Variants in SAV1 observed in about 807,000 individuals in gnomAD.
SAV1 encodes protein salvador homolog 1.
A neutral mutation model predicts 47.3 loss-of-function variants in SAV1; 23 were observed. The observed-to-expected ratio is 0.49, with a 90% confidence interval of 0.35 to 0.69. The LOEUF is 0.69. Ranked by LOEUF, SAV1 falls within the 30% of genes least tolerant of loss-of-function variation. SAV1 has a pLI of 0.01. For missense variants in SAV1, 448 were observed against 457.4 expected, an observed-to-expected ratio of 0.98 and a Z score of 0.19; for synonymous variants, 155 against 159.2, an observed-to-expected ratio of 0.97 and a Z score of 0.20.
intron 3 of SAV1, among the ~76,000 whole-genome samples, chr14:50,642,919 AACACTT>A (rs2039691949): frequency 6.6e-6 from 1 of 152,230 alleles, no homozygotes; most frequent in African/African-American, 2.4e-5. Context: ...CCACAGCTTT[AACACTT>A]ACAAACTATG....
At chr14:50,635,942 C>T (rs1322670943) in intron 4 of SAV1, among the ~76,000 whole-genome samples, 3 of 152,218 alleles carry the variant, frequency 2.0e-5, no homozygotes, top group Admixed American at 6.5e-5. Flanking sequence ...CTCCTGACCT[C>T]GTTATTCGCC....
At chr14:50,646,868 T>C (rs1008506636) in intron 2 of SAV1, among the ~76,000 whole-genome samples, 2 of 152,124 alleles carry the variant, frequency 1.3e-5, no homozygotes, top group African/African-American at 4.8e-5. Flanking sequence ...TAAAGCTACA[T>C]TAATCAAGAC....
In SAV1 at chr14:50,635,020, A is replaced by T. The variant is rs1416197723; in HGVS notation, c.*163T>A. 4 of 611,750 alleles carry T rather than the reference A, an allele frequency of 6.5e-6. No individual in the cohort carries two copies. The highest frequency in any genetic ancestry group is 1.1e-5 in the Non-Finnish European group (4 of 354,172). 37.9% of individuals were successfully genotyped at this position (611,750 alleles called of 1,614,324 possible). A position where few individuals can be genotyped will look rare whatever the true frequency, so the allele number is the denominator to read the frequency against. The stretch of plus-strand genomic sequence containing the variant: ...TTAAAATGATAGACTAATTTTTCTC[A>T]TTCAATAAAAGAAAATTTCTAATAA... On this transcript the variant is annotated 3_prime_UTR_variant, in exon 5 of 5. Transcript: ENST00000324679.
At chr14:50,664,583 G>T (rs1343984389) in intron 2 of SAV1, 1 of 151,960 alleles carries the variant, frequency 6.6e-6, no homozygotes, top group Non-Finnish European at 1.5e-5. Flanking sequence ...AAATTATATG[G>T]TAATTTTTTT....
At chr14:50,664,295 C>T (rs1180479024) in intron 2 of SAV1, 5 of 152,166 alleles carry the variant, frequency 3.3e-5, no homozygotes, top group Non-Finnish European at 7.4e-5. Context: ...AGTCAAAATA[C>T]TAATGCTCCA....
chr14:50,646,090 GA>G (rs1297167156), intron 2 of SAV1, among the ~76,000 whole-genome samples: 1 of 152,104 alleles, frequency 6.6e-6, no homozygotes. Context: ...ATCCATGGGG[GA>G]TCCATTCCAA....
intron 2 of SAV1, among the ~76,000 whole-genome samples, chr14:50,654,689 G>A (rs187769663): frequency 3.3e-4 from 51 of 152,278 alleles, no homozygotes; most frequent in African/African-American, 1.1e-3. Flanking sequence ...ATAGAGCAAA[G>A]CACAATAAAA....
intron 2 of SAV1, among the ~76,000 whole-genome samples, chr14:50,651,612 T>G (rs960183776): frequency 6.6e-6 from 1 of 152,160 alleles, no homozygotes; most frequent in African/African-American, 2.4e-5. Context: ...AAAGTGAATT[T>G]TATGTATTAC....
In SAV1 at chr14:50,640,775, G is replaced by C; in HGVS notation, c.925C>G (p.Gln309Glu). 6.2e-7 allele frequency: 1 copy of C among 1,613,570 alleles called. No homozygotes were observed. The highest frequency in any genetic ancestry group is 8.5e-7 in the Non-Finnish European group (1 of 1,179,756). ...TTCACAGGGGCTCGTGCGTAAACCT[G>C]AAGCCAGTCAGGAATTTCTGCAGTA... ...YHTAEIPDWLQVYARAPVKYD... is the reference protein window; with the variant it reads ...YHTAEIPDWLEVYARAPVKYD... Residue 309 changes from glutamine (Q) to glutamate (E), a missense_variant, in exon 4 of 5, where the codon CAG becomes GAG. Gln to Glu is a conservative substitution (Grantham distance 29, BLOSUM62 2). Coordinates refer to ENST00000324679, the MANE Select transcript of SAV1 (RefSeq NM_021818.4).
intron 2 of SAV1, chr14:50,662,798 A>G (rs1040944676): frequency 3.9e-5 from 6 of 152,252 alleles, no homozygotes; most frequent in African/African-American, 1.2e-4. Context: ...AGAATAACAC[A>G]TATTCTATAT....
At chr14:50,644,549 A>G (rs2039704664) in intron 3 of SAV1, among the ~76,000 whole-genome samples, 195 bp downstream of exon 3, 1 of 147,162 alleles carries the variant, frequency 6.8e-6, no homozygotes, top group Non-Finnish European at 1.5e-5. Context: ...GTTTTTTTAA[A>G]GAGAAAAGTA....
chr14:50,640,805 A>C lies in SAV1; in HGVS notation c.895T>G (p.Tyr299Asp). 6.2e-7 allele frequency: 1 copy of C among 1,613,956 alleles called. No homozygotes were observed. The highest frequency in any genetic ancestry group is 2.2e-5 in the East Asian group (1 of 44,872). The change falls in exon 4 of 5, where the codon TAT becomes GAT. Residue 299 changes from tyrosine to aspartate, a missense_variant. Transcript: ENST00000324679. ...NQSLLVPANP[Y>D]HTAEIPDWLQ... ...CAGTCAGGAATTTCTGCAGTATGAT[A>C]TGGATTTGCAGGTACCAGAAGGGAC...
intron 2 of SAV1, among the ~76,000 whole-genome samples, chr14:50,651,198 T>C (rs533963912): frequency 4.5e-4 from 69 of 152,328 alleles, no homozygotes; most frequent in African/African-American, 1.6e-3. Flanking sequence ...TAAATGTTTA[T>C]TGTTTTATGC....
rs1285754027 is a variant in SAV1, at chr14:50,668,295, A to T, written c.-328T>A. On this transcript the variant is annotated 5_prime_UTR_variant, in exon 1 of 5. Coordinates refer to ENST00000324679, the MANE Select transcript of SAV1 (RefSeq NM_021818.4). The stretch of plus-strand genomic sequence containing the variant: ...ATGGTCCGCCGCGGGCCGCCGAATA[A>T]CCGCTACCACTACCGCCGCCGCCGC... The T allele has an allele frequency of 6.1e-6, 1 of 164,324 alleles. No individual in the cohort carries two copies. The highest frequency in any genetic ancestry group is 1.3e-5 in the Non-Finnish European group (1 of 77,308). 10.2% of individuals were successfully genotyped at this position (164,324 alleles called of 1,614,324 possible).
chr14:50,649,801 T>A (rs1226933033), intron 2 of SAV1, among the ~76,000 whole-genome samples: 1 of 152,208 alleles, frequency 6.6e-6, no homozygotes, highest in Non-Finnish European at 1.5e-5. Flanking sequence ...GTTAGTGTGT[T>A]AACAGAAGAC....
At chr14:50,659,580 G>A (rs914690702) in intron 2 of SAV1, among the ~76,000 whole-genome samples, 1 of 152,194 alleles carries the variant, frequency 6.6e-6, no homozygotes, top group Admixed American at 6.5e-5. Context: ...TGGGTGCTGC[G>A]GCACATGCCT....
chr14:50,649,581 CAA>C (rs1288704013), intron 2 of SAV1, among the ~76,000 whole-genome samples: 1 of 152,116 alleles, frequency 6.6e-6, no homozygotes, highest in Non-Finnish European at 1.5e-5. Context: ...TTTTTATAAT[CAA>C]GAGAGTAAAT....
At position 50,652,636 on chromosome 14, in the gene SAV1, T is replaced by C. The variant is rs890780995; in HGVS notation, c.536-7622A>G. ...CCACACCAATAATTAAAACTAAGTA[T>C]AAAAATCTTAAAATCAACCAGCTCA... On this transcript the variant is annotated intron_variant, in intron 2 of 4. Transcript: ENST00000324679. 3.9e-5 allele frequency among the ~76,000 whole-genome samples: 6 copies of C among 152,086 alleles called. No homozygotes were observed. The East Asian group carries it at 9.6e-4, about 24-fold the overall frequency.
At chr14:50,665,145 A>G (rs756166434) in intron 2 of SAV1, 34 bp downstream of exon 2, 2 of 1,469,194 alleles carry the variant, frequency 1.4e-6, no homozygotes, top group Non-Finnish European at 1.8e-6. Flanking sequence ...GTCAATAAAT[A>G]TAAACTACTA....
Sources: allele counts gnomAD v4.1 joint callset (sites outside exome capture counted in the v4.1 genomes callset), GRCh38; gene constraint gnomAD v4.1.1; transcripts MANE v1.5; gene names NCBI Gene and HGNC (gene_info 2026-07-23, HGNC 2026-07-21).